Variants in TINAGL1 observed in about 807,000 individuals in gnomAD.
TINAGL1 encodes the protein tubulointerstitial nephritis antigen-like.
Under a neutral mutation model 62.0 loss-of-function variants are expected in TINAGL1, and 34 were observed. That is an observed-to-expected ratio of 0.55 (90% CI 0.42 to 0.73). The LOEUF (loss-of-function observed/expected upper bound fraction) is 0.73, where lower values mean the gene tolerates loss of function less well. Ranked by LOEUF, TINAGL1 falls within the 30% of genes least tolerant of loss-of-function variation. TINAGL1 has a pLI of 0.00. For missense variants in TINAGL1, 516 were observed against 653.2 expected, an observed-to-expected ratio of 0.79 and a Z score of 2.29; for synonymous variants, 221 against 249.7, an observed-to-expected ratio of 0.88 and a Z score of 1.08.
chr1:31,586,595 G>C, intron 10 of TINAGL1, 115 bp from the exon 11 acceptor site: 1 of 1,211,468 alleles, frequency 8.3e-7, no homozygotes, highest in Non-Finnish European at 1.2e-6. Context: ...GAGCCCTAAG[G>C]GTGTACCCAA....
chr1:31,577,737 A>C lies in TINAGL1; in HGVS notation c.310+279A>C. 4.5e-6 allele frequency: 2 copies of C among 440,648 alleles called. No homozygotes were observed. The highest frequency in any genetic ancestry group is 4.0e-6 in the Non-Finnish European group (1 of 249,532). 27.3% of individuals were successfully genotyped at this position (440,648 alleles called of 1,614,324 possible). On this transcript the variant is annotated intron_variant, in intron 2 of 11. Coordinates refer to ENST00000271064, the MANE Select transcript of TINAGL1 (RefSeq NM_022164.3). The surrounding 1 kb of genome is among the most constrained non-coding windows in gnomAD (Gnocchi z 5.4). ...AGGTGCTGGCCGCACCTGCTGACTC[A>C]CTCTTGGGCTGATAAGGCACATATG...
intron 2 of TINAGL1, among the ~76,000 whole-genome samples, chr1:31,578,657 GGTGTGTGTGTGT>G (rs10577315): frequency 1.3e-5 from 1 of 77,740 alleles, no homozygotes; most frequent in African/African-American, 5.8e-5. Context: ...AGTGAGAGCT[GGTGTGTGTGTGT>G]GTGTGTGTGT....
In TINAGL1 at chr1:31,585,362, G is replaced by T; in HGVS notation, c.1047+22G>T. 6.2e-7 allele frequency: 1 copy of T among 1,604,250 alleles called. No individual in the cohort carries two copies. The highest frequency in any genetic ancestry group is 8.5e-7 in the Non-Finnish European group (1 of 1,173,882). ...CAACGTAAGTCAGCACTTGGGTGAG[G>T]GCGCCGAGGCAGGAGGGTTGTGAAA... On this transcript the variant is annotated intron_variant, in intron 8 of 11. Coordinates refer to ENST00000271064, the MANE Select transcript of TINAGL1 (RefSeq NM_022164.3). This position sits in a 1 kb window ranked among gnomAD's most constrained non-coding sequence, Gnocchi z 4.3.
chr1:31,586,477 G>C, intron 10 of TINAGL1: 1 of 604,524 alleles, frequency 1.7e-6, no homozygotes, highest in Non-Finnish European at 3.0e-6. Context: ...TGCTCACCTT[G>C]CCTCCACTTG....
Position 31,585,549 on chromosome 1 carries a change from A to G in TINAGL1, c.1093+64A>G, listed in dbSNP as rs78196062. 8.3e-4 allele frequency: 1,333 copies of G among 1,603,070 alleles called. 26 individuals are homozygous for G. The East Asian group carries it at 0.027, about 33-fold the overall frequency. On this transcript the variant is annotated intron_variant, in intron 9 of 11. Coordinates refer to ENST00000271064, the MANE Select transcript of TINAGL1 (RefSeq NM_022164.3). The surrounding 1 kb of genome is among the most constrained non-coding windows in gnomAD (Gnocchi z 4.3). ...GTGCCTGCTTGAGAGTGGGCACAGT[A>G]GCACAAGTGGCCTGCACAGCATTCA...
Position 31,584,104 on chromosome 1 carries a change from GCATTTGTC to G in TINAGL1, c.582+533_582+540del. Reference sequence around the variant, plus strand: ...GGCCTGGACCGGGACATGTGCCGGAGCATTTGTCCATCAGTGGCAGGCAGCGGGGAGGC... The same window carrying G: ...GGCCTGGACCGGGACATGTGCCGGAGCATCAGTGGCAGGCAGCGGGGAGGC... On this transcript the variant is annotated intron_variant, in intron 5 of 11. Coordinates refer to ENST00000271064, the MANE Select transcript of TINAGL1 (RefSeq NM_022164.3). This position sits in a 1 kb window ranked among gnomAD's most constrained non-coding sequence, Gnocchi z 4.0. 5.9e-6 allele frequency: 1 copy of G among 168,754 alleles called. No individual in the cohort carries two copies. The highest frequency in any genetic ancestry group is 1.5e-4 in the South Asian group (1 of 6,548). 10.5% of individuals were successfully genotyped at this position (168,754 alleles called of 1,614,324 possible).
At position 31,579,231 on chromosome 1, in the gene TINAGL1, C is replaced by T. The variant is rs1167004544; in HGVS notation, c.338C>T (p.Pro113Leu). The T allele has an allele frequency of 1.7e-5, 27 of 1,613,966 alleles. No homozygotes were observed. Among genetic ancestry groups the T allele is most frequent in the Non-Finnish European group, 2.2e-5 (26 of 1,179,998 alleles). Residue 113 changes from proline (P) to leucine (L), a missense_variant, in exon 3 of 12, where the codon CCA (proline) becomes CTA (leucine). Transcript: ENST00000271064. ...TGTATGCATGGAGGTCGTATCTATC[C>T]AGTCTTGGGAACGTACTGGGACAAC... Reference protein sequence around the residue: ...QGCMHGGRIYPVLGTYWDNCN... With the variant: ...QGCMHGGRIYLVLGTYWDNCN...
rs374041358 is a variant in TINAGL1 at position 31,584,664 on chromosome 1, C to T, written c.583-14C>T. On this transcript the variant is annotated splice_polypyrimidine_tract_variant and intron_variant, in intron 5 of 11. Coordinates refer to ENST00000271064, the MANE Select transcript of TINAGL1 (RefSeq NM_022164.3). This position sits in a 1 kb window ranked among gnomAD's most constrained non-coding sequence, Gnocchi z 4.0. The stretch of plus-strand genomic sequence containing the variant: ...GCAGAGCAGGAGGCAGACAGGGCAA[C>T]CTTTATCTTGCAGACAGTGCTGAAC... 6.8e-5 allele frequency: 109 copies of T among 1,612,764 alleles called. No individual in the cohort carries two copies. The highest frequency in any genetic ancestry group is 1.7e-5 in the Non-Finnish European group (20 of 1,180,020).
In TINAGL1 at chr1:31,577,328, C is replaced by T. The variant is rs140551310; in HGVS notation, c.180C>T (p.Asp60=). 4.2e-5 allele frequency: 68 copies of T among 1,613,886 alleles called. No homozygotes were observed. Among genetic ancestry groups the T allele is most frequent in the Non-Finnish European group, 5.4e-5 (64 of 1,180,024 alleles). Residue 60 remains aspartate (D), a synonymous_variant, in exon 2 of 12, where the codon GAC becomes GAT. Transcript: ENST00000271064. The surrounding 1 kb of genome is among the most constrained non-coding windows in gnomAD (Gnocchi z 5.4). The part of the protein sequence containing the change: ...EQDLCCRGRA[D]DCALPYLGAI... ...ACCTGTGCTGCCGCGGCCGTGCCGA[C>T]GACTGTGCCCTGCCCTACCTGGGCG...
chr1:31,586,360 CTA>C, intron 10 of TINAGL1: 1 of 474,954 alleles, frequency 2.1e-6, no homozygotes. Flanking sequence ...CCCTTGGCAC[CTA>C]CCCCTCCCTG....
At chr1:31,582,192 T>C (rs1639264117) in intron 3 of TINAGL1, among the ~76,000 whole-genome samples, 1 of 151,914 alleles carries the variant, frequency 6.6e-6, no homozygotes, top group Admixed American at 6.6e-5. Flanking sequence ...TAGCTGGGTG[T>C]GGTGGTGCAC....
At position 31,587,090 on chromosome 1, in the gene TINAGL1, C is replaced by A; in HGVS notation, c.*111C>A. The A allele has an allele frequency of 7.6e-7, 1 of 1,321,456 alleles. No individual in the cohort carries two copies. 81.9% of individuals were successfully genotyped at this position (1,321,456 alleles called of 1,614,324 possible). A position where few individuals can be genotyped will look rare whatever the true frequency, so the allele number is the denominator to read the frequency against. ...CGCCCGACAGAGCCCGGGGCGCAGGCGGGCGCCAGGGCGCTAATCCCGGCG... is the reference window on the plus strand; with the variant it reads ...CGCCCGACAGAGCCCGGGGCGCAGGAGGGCGCCAGGGCGCTAATCCCGGCG... On this transcript the variant is annotated 3_prime_UTR_variant, in exon 12 of 12. Coordinates refer to ENST00000271064, the MANE Select transcript of TINAGL1 (RefSeq NM_022164.3).
In TINAGL1 at chr1:31,586,739, G is replaced by A. The variant is rs1291748918; in HGVS notation, c.1247G>A (p.Arg416Lys). The A allele has an allele frequency of 1.9e-6, 3 of 1,555,610 alleles. No individual in the cohort carries two copies. The highest frequency in any genetic ancestry group is 1.7e-6 in the Non-Finnish European group (2 of 1,149,240). Residue 416 changes from arginine to lysine, a missense_variant, in exon 11 of 12, where the codon AGG becomes AAG. Physicochemically the swap from Arg to Lys is conservative, Grantham distance 26 (BLOSUM62 2). Coordinates refer to ENST00000271064, the MANE Select transcript of TINAGL1 (RefSeq NM_022164.3). ...GGAGAGGAGACGCTGCCAGATGGAA[G>A]GACGCTCAAATACTGGGTGAGGCCG... ...GWGEETLPDG[R>K]TLKYWTAANS...
chr1:31,579,162 C>G (rs1389879591), intron 2 of TINAGL1, 42 bp from the exon 3 acceptor site: 9 of 1,572,172 alleles, frequency 5.7e-6, no homozygotes, highest in African/African-American at 1.4e-5. Context: ...AGCCCATCCT[C>G]TCTGGTTCTG....
At chr1:31,579,127 C>A (rs1165228876) in intron 2 of TINAGL1, 77 bp from the exon 3 acceptor site, 10 of 1,101,896 alleles carry the variant, frequency 9.1e-6, no homozygotes, top group Admixed American at 5.2e-5. Context: ...TTCAAGGTAC[C>A]TGACCTCCAA....
rs1639379866 is a variant in TINAGL1, at chr1:31,585,922, G to A, written c.1217+46G>A. The A allele has an allele frequency of 6.5e-7, 1 of 1,529,396 alleles. No homozygotes were observed. The highest frequency in any genetic ancestry group is 1.4e-5 in the African/African-American group (1 of 72,620). The allele number at this position is 1,529,396 out of a possible 1,614,324, so 94.7% of individuals were successfully genotyped here. Reference sequence around the variant, plus strand: ...GGGGGTTTGGGACAGCAGGGTTTGTGCTAGGGGCTCTGGAGCCTGCCTTGG... The same window carrying A: ...GGGGGTTTGGGACAGCAGGGTTTGTACTAGGGGCTCTGGAGCCTGCCTTGG... On this transcript the variant is annotated intron_variant, in intron 10 of 11. Transcript: ENST00000271064. The surrounding 1 kb of genome is among the most constrained non-coding windows in gnomAD (Gnocchi z 4.3).
Position 31,585,882 on chromosome 1 carries a change from G to A in TINAGL1, c.1217+6G>A, listed in dbSNP as rs1228344203. ...CACTCAGTCAAGATCACAGGGTGAGGGGCGTGTGGGCAGAGGGGGTTTGGG... is the reference window on the plus strand; with the variant it reads ...CACTCAGTCAAGATCACAGGGTGAGAGGCGTGTGGGCAGAGGGGGTTTGGG... On this transcript the variant is annotated splice_donor_region_variant and intron_variant, in intron 10 of 11. Transcript: ENST00000271064. The surrounding 1 kb of genome is among the most constrained non-coding windows in gnomAD (Gnocchi z 4.3). 6.3e-7 allele frequency: 1 copy of A among 1,575,362 alleles called. No homozygotes were observed. The highest frequency in any genetic ancestry group is 8.6e-7 in the Non-Finnish European group (1 of 1,159,720).
At chr1:31,581,748 C>A (rs1282474689) in intron 3 of TINAGL1, among the ~76,000 whole-genome samples, 1 of 152,148 alleles carries the variant, frequency 6.6e-6, no homozygotes, top group Non-Finnish European at 1.5e-5. Flanking sequence ...CATTAAATCC[C>A]TGGAAAGTGG....
intron 3 of TINAGL1, chr1:31,579,793 T>C (rs1343288483): frequency 6.3e-6 from 1 of 159,694 alleles, no homozygotes; most frequent in Non-Finnish European, 1.4e-5. Flanking sequence ...CAGTCTGAGA[T>C]GGGAAGTGGA....
Sources: allele counts gnomAD v4.1 joint callset (sites outside exome capture counted in the v4.1 genomes callset), GRCh38; gene constraint gnomAD v4.1.1; non-coding constraint Gnocchi (gnomAD v3.1); transcripts MANE v1.5; gene names NCBI Gene and HGNC (gene_info 2026-07-23, HGNC 2026-07-21).